Variants in XPNPEP1 observed in about 807,000 individuals in gnomAD.
The protein encoded by XPNPEP1 is xaa-Pro aminopeptidase 1.
In XPNPEP1, 39 loss-of-function variants were observed where a neutral mutation model predicts 92.4. That is an observed-to-expected ratio of 0.42 (90% CI 0.33 to 0.55). XPNPEP1 has a LOEUF of 0.55. XPNPEP1 is among the 20% of genes least tolerant of loss of function. XPNPEP1 has a pLI of 0.08. For missense variants in XPNPEP1, 654 were observed against 856.1 expected (o/e 0.76, Z 2.95); for synonymous variants, 307 against 299.4 (o/e 1.03, Z -0.26).
At position 109,870,868 on chromosome 10, in the gene XPNPEP1, C is replaced by T. The variant is rs1052210225; in HGVS notation, c.1559G>A (p.Trp520Ter). The T allele has an allele frequency of 6.2e-7, 1 of 1,613,928 alleles. No individual in the cohort carries two copies. Among genetic ancestry groups the T allele is most frequent in the Non-Finnish European group, 8.5e-7 (1 of 1,179,998 alleles). ...GTGCAAGTAATCTAGGCCTGAATCC[C>T]ATAAAGCTGAACGGGCAAAGGAGTC... Reference protein sequence around the residue: ...LLDSFARSALWDSGLDYLHGT... With the variant: ...LLDSFARSAL Residue 520 changes from tryptophan (W) to a stop codon, truncating the protein, a stop_gained, in exon 18 of 21, where the codon TGG (tryptophan) becomes TAG (stop). Transcript: ENST00000502935. LOFTEE classifies it high-confidence loss of function.
chr10:109,878,758 C>T (rs1015941365), intron 12 of XPNPEP1, among the ~76,000 whole-genome samples: 7 of 151,922 alleles, frequency 4.6e-5, no homozygotes, highest in African/African-American at 1.7e-4. Flanking sequence ...GGGCTGTAGT[C>T]CCAACTAATC....
chr10:109,867,768 G>A lies in XPNPEP1; in HGVS notation c.1872+846C>T, dbSNP rs890364410. 4.6e-5 allele frequency among the ~76,000 whole-genome samples: 7 copies of A among 152,244 alleles called. No individual in the cohort carries two copies. Among genetic ancestry groups the A allele is most frequent in the African/African-American group, 9.6e-5 (4 of 41,550 alleles). Reference sequence around the variant, plus strand: ...AACCCACCGTGCTTACCCTGCCTTCGGCTCCCACCAGTCATTTGCTTTTCA... The same window carrying A: ...AACCCACCGTGCTTACCCTGCCTTCAGCTCCCACCAGTCATTTGCTTTTCA... On this transcript the variant is annotated intron_variant, in intron 20 of 20. Transcript: ENST00000502935. The surrounding 1 kb of genome is among the most constrained non-coding windows in gnomAD (Gnocchi z 4.5).
chr10:109,911,008 T>C (rs1173142274), intron 2 of XPNPEP1, among the ~76,000 whole-genome samples: 3 of 152,252 alleles, frequency 2.0e-5, no homozygotes, highest in Non-Finnish European at 4.4e-5. Context: ...CTTTTCATCA[T>C]CACCAGCACC....
intron 5 of XPNPEP1, among the ~76,000 whole-genome samples, chr10:109,890,788 G>C (rs1848666864): frequency 6.6e-6 from 1 of 152,182 alleles, no homozygotes; most frequent in Admixed American, 6.5e-5. Flanking sequence ...TGTATGTGGA[G>C]GGTGTGTGGC....
At chr10:109,877,893 G>C (rs746458683) in intron 13 of XPNPEP1, 26 bp from the exon 14 acceptor site, 84 of 1,614,112 alleles carry the variant, frequency 5.2e-5, no homozygotes, top group Non-Finnish European at 5.5e-5. Flanking sequence ...AGAAAGCAGA[G>C]TGGCTTAAAG....
rs775039287 is a variant in XPNPEP1 at position 109,897,715 on chromosome 10, G to A, written c.247-4640C>T. 7.3e-5 allele frequency among the ~76,000 whole-genome samples: 11 copies of A among 150,956 alleles called. No homozygotes were observed. The South Asian group carries it at 8.4e-4, about 12-fold the overall frequency. On this transcript the variant is annotated intron_variant, in intron 3 of 20. Coordinates refer to ENST00000502935, the MANE Select transcript of XPNPEP1 (RefSeq NM_020383.4). ...GTCGCCTGGGCTGGAGTGCAGTGGC[G>A]CAATCTAGGCTCACTACAACCTCCA...
Position 109,882,513 on chromosome 10 carries a change from G to A in XPNPEP1, c.960C>T (p.Ala320=). 1 of 1,614,210 alleles carries A rather than the reference G, an allele frequency of 6.2e-7. No individual in the cohort carries two copies. The highest frequency in any genetic ancestry group is 8.5e-7 in the Non-Finnish European group (1 of 1,180,032). Residue 320 remains alanine, a synonymous_variant, in exon 10 of 21, where the codon GCC becomes GCT. Coordinates refer to ENST00000502935, the MANE Select transcript of XPNPEP1 (RefSeq NM_020383.4). ...CCCTTGGGGAGAGGTCAGCACACAG[G>A]GCCTTGAGCTCGCTCAGGATGGACT... ...PYKSILSELK[A]LCADLSPREK...
chr10:109,864,904 G>A lies in XPNPEP1; in HGVS notation c.*280C>T. The A allele has an allele frequency of 2.4e-6, 1 of 418,676 alleles. No individual in the cohort carries two copies. The highest frequency in any genetic ancestry group is 4.4e-6 in the Non-Finnish European group (1 of 226,356). 25.9% of individuals were successfully genotyped at this position (418,676 alleles called of 1,614,324 possible). On this transcript the variant is annotated 3_prime_UTR_variant, in exon 21 of 21. Coordinates refer to ENST00000502935, the MANE Select transcript of XPNPEP1 (RefSeq NM_020383.4). Reference sequence around the variant, plus strand: ...TCCCCATCACTGGCCAAAGAAGTCGGGGCATCTTCCTTTCACCAAGTGTTC... The same window carrying A: ...TCCCCATCACTGGCCAAAGAAGTCGAGGCATCTTCCTTTCACCAAGTGTTC...
chr10:109,901,909 A>G (rs1236290990), intron 3 of XPNPEP1, among the ~76,000 whole-genome samples: 1 of 152,368 alleles, frequency 6.6e-6, no homozygotes, highest in South Asian at 2.1e-4. Context: ...AATGTAAAGT[A>G]TCTTCTTAAT....
chr10:109,879,039 G>GA (rs1847937180), intron 12 of XPNPEP1, among the ~76,000 whole-genome samples: 1 of 139,944 alleles, frequency 7.1e-6, no homozygotes, highest in Admixed American at 7.1e-5. Context: ...TCAGGAGATC[G>GA]AGACCATCCT....
chr10:109,874,700 A>C (rs1296198725), intron 15 of XPNPEP1, among the ~76,000 whole-genome samples: 1 of 152,236 alleles, frequency 6.6e-6, no homozygotes, highest in Non-Finnish European at 1.5e-5. Context: ...CTGTAATCCC[A>C]GCACTTTGGG....
chr10:109,879,125 C>A (rs1847944849), intron 12 of XPNPEP1, among the ~76,000 whole-genome samples: 1 of 151,784 alleles, frequency 6.6e-6, no homozygotes, highest in African/African-American at 2.4e-5. Context: ...GCCTGTAGTC[C>A]CAGCTAGTCG....
At chr10:109,875,433 G>T in intron 15 of XPNPEP1, 95 bp downstream of exon 15, 1 of 1,114,484 alleles carries the variant, frequency 9.0e-7, no homozygotes, top group South Asian at 1.3e-5. Flanking sequence ...AGAGGGCGAT[G>T]ACCAGCTGAG....
Position 109,868,160 on chromosome 10 carries a change from T to C in XPNPEP1, c.1872+454A>G, listed in dbSNP as rs116174457. Reference sequence around the variant, plus strand: ...TCCTTGTCTGTGTGAAAACAGGACATACGATAATAGATTTTGCTTTCCATT... The same window carrying C: ...TCCTTGTCTGTGTGAAAACAGGACACACGATAATAGATTTTGCTTTCCATT... On this transcript the variant is annotated intron_variant, in intron 20 of 20. Transcript: ENST00000502935. Among the ~76,000 whole-genome samples the C allele has an allele frequency of 4.0e-3, 614 of 152,186 alleles. 4 individuals carry two copies. The highest frequency in any genetic ancestry group is 0.014 in the African/African-American group (592 of 41,522).
At position 109,882,340 on chromosome 10, in the gene XPNPEP1, G is replaced by A. The variant is rs116645305; in HGVS notation, c.1041+92C>T. On this transcript the variant is annotated intron_variant, in intron 10 of 20. Transcript: ENST00000502935. ...GGAGACCACAGTTCTGATCCAACAG[G>A]CAGCCTCAGAAATCTGCCTGTGCTC... 2.0e-4 allele frequency: 291 copies of A among 1,447,922 alleles called. 1 individual carries two copies. The African/African-American group carries it at 3.6e-3, about 18-fold the overall frequency. 89.7% of individuals were successfully genotyped at this position (1,447,922 alleles called of 1,614,324 possible). A position where few individuals can be genotyped will look rare whatever the true frequency, so the allele number is the denominator to read the frequency against.
chr10:109,892,976 A>C, intron 4 of XPNPEP1, 36 bp downstream of exon 4: 1 of 1,605,718 alleles, frequency 6.2e-7, no homozygotes, highest in Non-Finnish European at 8.5e-7. Context: ...AGGCGAACAA[A>C]GGTGCAGCAA....
At chr10:109,875,231 G>A (rs550106946) in intron 15 of XPNPEP1, among the ~76,000 whole-genome samples, 2 of 152,188 alleles carry the variant, frequency 1.3e-5, no homozygotes, top group Non-Finnish European at 2.9e-5. Flanking sequence ...GGGCTGGGGT[G>A]GAAAACTTTC....
rs750733651 is a variant in XPNPEP1, at chr10:109,877,778, C to T, written c.1319+12G>A. ...AGCAAGGCCAGGCAGCATGCTCCTC[C>T]GCATGCCTTACGCGTAGTGAATGAT... On this transcript the variant is annotated intron_variant, in intron 14 of 20. Transcript: ENST00000502935. 7.4e-6 allele frequency: 12 copies of T among 1,614,192 alleles called. No homozygotes were observed. Among genetic ancestry groups the T allele is most frequent in the South Asian group, 5.5e-5 (5 of 91,088 alleles).
intron 1 of XPNPEP1, among the ~76,000 whole-genome samples, chr10:109,922,363 T>A (rs1392617544): frequency 6.6e-6 from 1 of 152,182 alleles, no homozygotes; most frequent in African/African-American, 2.4e-5. Context: ...GCCTAACTCA[T>A]CATTATCCAC....
Sources: gnomAD v4.1 joint callset for allele counts (sites outside exome capture counted in the v4.1 genomes callset) on GRCh38, gnomAD v4.1.1 for gene constraint, Gnocchi (gnomAD v3.1) non-coding constraint, MANE v1.5 for transcripts, NCBI Gene and HGNC (gene_info 2026-07-23, HGNC 2026-07-21) for gene names.